The following MEIS1 variants were observed in gnomAD, a reference collection of about 807,000 sequenced individuals.
The protein encoded by MEIS1 is Meis homeobox 1.
In MEIS1, 5 loss-of-function variants were observed where a neutral mutation model predicts 50.8. That is an observed-to-expected ratio of 0.10 (90% confidence interval 0.05 to 0.21). The LOEUF (loss-of-function observed/expected upper bound fraction) is 0.21. MEIS1 is among the 10% of genes least tolerant of loss of function. The pLI is 1.00. For synonymous variants in MEIS1, 176 were observed against 179.3 expected (o/e 0.98, Z 0.15); for missense variants, 318 against 517.3 (o/e 0.61, Z 3.74).
At chr2:66,519,261 C>T (rs1674051245) in intron 8 of MEIS1, among the ~76,000 whole-genome samples, 2 of 152,170 alleles carry the variant, frequency 1.3e-5, no homozygotes, top group Admixed American at 1.3e-4. Flanking sequence ...CCCAAGCTTA[C>T]CTTTGATAGA....
intron 7 of MEIS1, among the ~76,000 whole-genome samples, chr2:66,478,672 T>C (rs569211784): frequency 2.2e-4 from 34 of 152,354 alleles, no homozygotes; most frequent in African/African-American, 8.2e-4. Flanking sequence ...TGTTTTTGAA[T>C]GTAGCAACCA....
intron 7 of MEIS1, among the ~76,000 whole-genome samples, chr2:66,485,583 A>C (rs7594867): frequency 1.8e-4 from 27 of 152,134 alleles, no homozygotes; most frequent in African/African-American, 6.3e-4. Context: ...TCTTTATAGT[A>C]GAATGATTTA....
chr2:66,569,021 CTCT>C, intron 11 of MEIS1, 26 bp from the exon 12 acceptor site: 1 of 1,603,556 alleles, frequency 6.2e-7, no homozygotes, highest in East Asian at 2.2e-5. Flanking sequence ...ATTTTCTGGC[CTCT>C]TCTTGGATTT....
chr2:66,445,450 C>T lies in MEIS1; in HGVS notation c.630+2402C>T, dbSNP rs1453440959. On this transcript the variant is annotated intron_variant, in intron 6 of 12. Coordinates refer to ENST00000272369, the MANE Select transcript of MEIS1 (RefSeq NM_002398.3). ...AGTTCTCCGGTCTGGAGCCTGCTGG[C>T]CTGTCCCTCCGGGGCGCTGAACCCC... 2.0e-5 allele frequency among the ~76,000 whole-genome samples: 3 copies of T among 152,352 alleles called. No homozygotes were observed. In the East Asian group the frequency reaches 5.8e-4, roughly 29 times the overall value.
rs1157019829 is a variant in MEIS1 at position 66,571,485 on chromosome 2, G to C, written c.*277G>C. ...AAGCCCCACAGTTCTTAATACAGGA[G>C]ACCCAACAATGAGTGGACAAGTCAT... On this transcript the variant is annotated 3_prime_UTR_variant, in exon 13 of 13. Coordinates refer to ENST00000272369, the MANE Select transcript of MEIS1 (RefSeq NM_002398.3). The C allele has an allele frequency of 6.3e-7, 1 of 1,588,650 alleles. No individual in the cohort carries two copies. Among genetic ancestry groups the C allele is most frequent in the Non-Finnish European group, 8.6e-7 (1 of 1,167,948 alleles).
At chr2:66,482,637 C>T (rs1031252648) in intron 7 of MEIS1, among the ~76,000 whole-genome samples, 8 of 152,216 alleles carry the variant, frequency 5.3e-5, no homozygotes, top group African/African-American at 9.7e-5. Context: ...TATTCATTCA[C>T]GGAGACCCTT....
intron 6 of MEIS1, among the ~76,000 whole-genome samples, chr2:66,452,979 G>A (rs1371893664): frequency 6.6e-6 from 1 of 151,792 alleles, no homozygotes; most frequent in Non-Finnish European, 1.5e-5. Context: ...ATTATTCAAA[G>A]GCAGTAACAA....
intron 7 of MEIS1, among the ~76,000 whole-genome samples, chr2:66,467,348 G>A (rs754479894): frequency 6.8e-6 from 1 of 147,892 alleles, no homozygotes; most frequent in Non-Finnish European, 1.5e-5. Flanking sequence ...TGTAATCCCA[G>A]CAGTTTAGGA....
intron 7 of MEIS1, among the ~76,000 whole-genome samples, chr2:66,500,814 CTTG>C (rs756710511): frequency 4.6e-5 from 7 of 152,130 alleles, no homozygotes; most frequent in Non-Finnish European, 5.9e-5. Flanking sequence ...TAAATGCTAT[CTTG>C]TTGTGTAAAA....
intron 7 of MEIS1, among the ~76,000 whole-genome samples, chr2:66,473,397 A>AAAAAAAAAAAAAAAAAAAAATATATAT: frequency 2.8e-5 from 3 of 107,590 alleles, no homozygotes; most frequent in African/African-American, 1.2e-4. Context: ...AAAAAAAAAA[A>AAAAAAAAAAAAAAAAAAAAATATATAT]ATATATATAT....
chr2:66,512,376 T>A, intron 8 of MEIS1, 82 bp downstream of exon 8: 1 of 1,440,176 alleles, frequency 6.9e-7, no homozygotes, highest in South Asian at 1.4e-5. Flanking sequence ...AAAAAAGTGA[T>A]CCCTCTGGAC....
intron 9 of MEIS1, among the ~76,000 whole-genome samples, chr2:66,552,767 G>A (rs1026239899): frequency 6.6e-6 from 1 of 152,052 alleles, no homozygotes; most frequent in Non-Finnish European, 1.5e-5. Flanking sequence ...CTGAGTTATG[G>A]TAATAATATA....
intron 8 of MEIS1, among the ~76,000 whole-genome samples, chr2:66,513,831 C>A (rs1236377707): frequency 6.6e-6 from 1 of 152,016 alleles, no homozygotes; most frequent in Non-Finnish European, 1.5e-5. Context: ...ATTTCAATAT[C>A]TGACTCCTGC....
intron 9 of MEIS1, among the ~76,000 whole-genome samples, chr2:66,558,279 C>CAAAAAAAAAAAAAAA (rs59017279): frequency 2.3e-4 from 13 of 57,082 alleles, no homozygotes; most frequent in African/African-American, 3.2e-4. Flanking sequence ...AACTCCATCT[C>CAAAAAAAAAAAAAAA]AAAAAAAAAA....
At chr2:66,495,714 A>G (rs1188442343) in intron 7 of MEIS1, among the ~76,000 whole-genome samples, 2 of 152,222 alleles carry the variant, frequency 1.3e-5, no homozygotes, top group Non-Finnish European at 2.9e-5. Context: ...AACCTCAGCA[A>G]CACAGAGCCA....
At chr2:66,509,304 G>A (rs1487448366) in intron 7 of MEIS1, among the ~76,000 whole-genome samples, 2 of 152,104 alleles carry the variant, frequency 1.3e-5, no homozygotes, top group Admixed American at 6.5e-5. Flanking sequence ...AACTTGTGTC[G>A]GAAAGGAGCA....
chr2:66,555,154 ATAAGAT>A (rs1558562110), intron 9 of MEIS1, among the ~76,000 whole-genome samples: 2 of 152,214 alleles, frequency 1.3e-5, no homozygotes, highest in Non-Finnish European at 2.9e-5. Flanking sequence ...TGTCAGTTAG[ATAAGAT>A]TAAAAGACTG....
intron 6 of MEIS1, chr2:66,461,744 G>A (rs1269365399): frequency 2.9e-6 from 1 of 348,980 alleles, no homozygotes; most frequent in African/African-American, 2.2e-5. Context: ...GAGAAAAGAG[G>A]AGCCCAGCAT....
intron 7 of MEIS1, among the ~76,000 whole-genome samples, chr2:66,473,115 A>G (rs1328791195): frequency 3.3e-5 from 5 of 152,040 alleles, no homozygotes; most frequent in Non-Finnish European, 5.9e-5. Flanking sequence ...GCGGTGGCTC[A>G]TGCCTGTAAT....
Sources: allele counts gnomAD v4.1 joint callset (sites outside exome capture counted in the v4.1 genomes callset), GRCh38; gene constraint gnomAD v4.1.1; transcripts MANE v1.5; gene names NCBI Gene and HGNC (gene_info 2026-07-23, HGNC 2026-07-21).